ARHGAP21: variants seen among roughly 807,000 people sequenced by gnomAD.
ARHGAP21 encodes the protein rho GTPase-activating protein 21.
A neutral mutation model predicts 164.6 loss-of-function variants in ARHGAP21; 38 were observed. The observed-to-expected ratio is 0.23, with a 90% CI of 0.18 to 0.30. The LOEUF is 0.30. ARHGAP21 is among the 10% of genes least tolerant of loss of function. The pLI is 1.00. For synonymous variants in ARHGAP21, 766 were observed against 857.9 expected (o/e 0.89, Z 1.87); for missense variants, 1,822 against 2,370.7 (o/e 0.77, Z 4.81).
intron 23 of ARHGAP21, 45 bp downstream of exon 23, chr10:24,591,597 C>T: frequency 6.2e-6 from 10 of 1,604,074 alleles, no homozygotes; most frequent in African/African-American, 1.3e-5. Context: ...GATCTTGTGT[C>T]CCAAATGAAA....
chr10:24,591,846 G>A, intron 22 of ARHGAP21, 41 bp downstream of exon 22: 1 of 1,594,392 alleles, frequency 6.3e-7, no homozygotes, highest in East Asian at 2.2e-5. Flanking sequence ...TTTTCTTGCA[G>A]AGATGAAGCA....
intron 9 of ARHGAP21, among the ~76,000 whole-genome samples, chr10:24,617,974 AT>A (rs1213618578): frequency 6.6e-6 from 1 of 152,136 alleles, no homozygotes; most frequent in Non-Finnish European, 1.5e-5. Flanking sequence ...CAGGCATTCC[AT>A]ATAAATGGCG....
At chr10:24,639,143 A>G (rs1836711461) in intron 4 of ARHGAP21, among the ~76,000 whole-genome samples, 4 of 152,178 alleles carry the variant, frequency 2.6e-5, no homozygotes, top group African/African-American at 4.8e-5. Flanking sequence ...ACCATATTAC[A>G]TGGTTTAAAA....
intron 7 of ARHGAP21, among the ~76,000 whole-genome samples, chr10:24,624,282 T>TC (rs1231811190): frequency 2.0e-5 from 3 of 151,384 alleles, no homozygotes; most frequent in Admixed American, 6.6e-5. Context: ...CCCATTTTTT[T>TC]CCCCAGAGAT....
chr10:24,674,362 C>T (rs962984884), intron 2 of ARHGAP21, among the ~76,000 whole-genome samples: 1 of 152,128 alleles, frequency 6.6e-6, no homozygotes, highest in Admixed American at 6.6e-5. Flanking sequence ...GGTGAAACCC[C>T]GTCTCTACTA....
At chr10:24,686,831 T>C (rs973272311) in intron 2 of ARHGAP21, among the ~76,000 whole-genome samples, 1 of 152,240 alleles carries the variant, frequency 6.6e-6, no homozygotes, top group Non-Finnish European at 1.5e-5. Context: ...AAACTATTCC[T>C]TTCTCAGCAC....
intron 9 of ARHGAP21, among the ~76,000 whole-genome samples, chr10:24,608,611 G>C (rs1316404139): frequency 1.3e-5 from 2 of 152,076 alleles, no homozygotes. Flanking sequence ...GATTTAAAAG[G>C]TCCAGCTATT....
intron 4 of ARHGAP21, among the ~76,000 whole-genome samples, chr10:24,650,426 T>A (rs1366522935): frequency 6.6e-6 from 1 of 152,158 alleles, no homozygotes; most frequent in Non-Finnish European, 1.5e-5. Context: ...CTAAGGTCCT[T>A]ATATTTTGTA....
rs377455241 is a variant in ARHGAP21, at chr10:24,607,907, T to C, written c.2423-4A>G. 3 of 1,580,106 alleles carry C rather than the reference T, an allele frequency of 1.9e-6. No homozygotes were observed. Among genetic ancestry groups the C allele is most frequent in the African/African-American group, 2.7e-5 (2 of 73,038 alleles). On this transcript the variant is annotated splice_polypyrimidine_tract_variant and splice_region_variant and intron_variant, in intron 9 of 25. Transcript: ENST00000396432. ...ATGCTAGGGCTAGTTGGTTCATCTG[T>C]AAGAAAAAAGGAAAATCAGAATGTT... is the stretch of plus-strand genomic sequence containing the variant.
chr10:24,667,085 TAA>T, intron 3 of ARHGAP21, 76 bp from the exon 4 acceptor site: 1 of 802,106 alleles, frequency 1.2e-6, no homozygotes, highest in East Asian at 3.3e-5. Flanking sequence ...AGGCTCAATT[TAA>T]TTCAAATCGA....
chr10:24,633,346 G>T, intron 6 of ARHGAP21, 56 bp downstream of exon 6: 1 of 1,187,362 alleles, frequency 8.4e-7, no homozygotes, highest in South Asian at 1.3e-5. Flanking sequence ...TTAAATCTAT[G>T]TGCTCTATTG....
chr10:24,620,502 C>T lies in ARHGAP21; in HGVS notation c.1393G>A (p.Asp465Asn). The T allele has an allele frequency of 6.2e-7, 1 of 1,611,402 alleles. No individual in the cohort carries two copies. Among genetic ancestry groups the T allele is most frequent in the Non-Finnish European group, 8.5e-7 (1 of 1,178,180 alleles). Reference sequence around the variant, plus strand: ...GGACAATACTTCATTAGCACAGAATCTTCCAGTCTTTCTTGGGACACACTG... The same window carrying T: ...GGACAATACTTCATTAGCACAGAATTTTCCAGTCTTTCTTGGGACACACTG... ...QRSVSQERLE[D>N]SVLMKYCPRS... The change falls in exon 9 of 26, where the codon GAT (aspartate) becomes AAT (asparagine). Residue 465 changes from aspartate (D) to asparagine (N), a missense_variant. By Grantham distance (23) the Asp-to-Asn change is conservative. Coordinates refer to ENST00000396432, the MANE Select transcript of ARHGAP21 (RefSeq NM_020824.4).
intron 9 of ARHGAP21, among the ~76,000 whole-genome samples, chr10:24,611,095 C>T (rs939527492): frequency 1.3e-5 from 2 of 152,154 alleles, no homozygotes; most frequent in Non-Finnish European, 2.9e-5. Context: ...TTGTCTATCC[C>T]AGAGGTTCAG....
At chr10:24,597,412 ATTATAT>A in intron 16 of ARHGAP21, 29 bp downstream of exon 16, 1 of 1,599,962 alleles carries the variant, frequency 6.3e-7, no homozygotes, top group Non-Finnish European at 8.5e-7. Flanking sequence ...ATTTTAAATC[ATTATAT>A]TTATTTGTTA....
intron 2 of ARHGAP21, among the ~76,000 whole-genome samples, chr10:24,691,645 T>C (rs930110343): frequency 6.6e-6 from 1 of 152,202 alleles, no homozygotes; most frequent in African/African-American, 2.4e-5. Context: ...ACTTCATAAT[T>C]TATGTCCTAT....
At chr10:24,708,119 A>G (rs1474066102) in intron 2 of ARHGAP21, among the ~76,000 whole-genome samples, 1 of 152,224 alleles carries the variant, frequency 6.6e-6, no homozygotes, top group Non-Finnish European at 1.5e-5. Context: ...AGCTTGCCAA[A>G]GGCTAAATAT....
intron 7 of ARHGAP21, among the ~76,000 whole-genome samples, chr10:24,628,806 CATATAT>C (rs1288020377): frequency 6.0e-5 from 6 of 100,096 alleles, no homozygotes; most frequent in East Asian, 5.1e-4. Context: ...CACATATATA[CATATAT>C]ATACATATAC....
chr10:24,667,582 C>T (rs1339486100), intron 3 of ARHGAP21, among the ~76,000 whole-genome samples: 1 of 152,162 alleles, frequency 6.6e-6, no homozygotes, highest in Non-Finnish European at 1.5e-5. Flanking sequence ...CTACCTCTAG[C>T]TGGAAAATTA....
chr10:24,707,810 T>A (rs1565197090), intron 2 of ARHGAP21, among the ~76,000 whole-genome samples: 2 of 152,292 alleles, frequency 1.3e-5, no homozygotes, highest in South Asian at 4.1e-4. Context: ...CAGACCCCCA[T>A]CAACTTTCTC....
Sources: gnomAD v4.1 joint callset for allele counts (sites outside exome capture counted in the v4.1 genomes callset) on GRCh38, gnomAD v4.1.1 for gene constraint, MANE v1.5 for transcripts, NCBI Gene and HGNC (gene_info 2026-07-23, HGNC 2026-07-21) for gene names.